The following CDK14 variants were observed in gnomAD, a reference collection of about 807,000 sequenced individuals.
The protein encoded by CDK14 is cyclin dependent kinase 14, also known as cyclin-dependent kinase 14.
CDK14 carries 34 observed loss-of-function variants against 60.7 expected under a neutral mutation model. That is an observed-to-expected ratio of 0.56 (90% confidence interval 0.43 to 0.75). CDK14 has a LOEUF of 0.75. Ranked by LOEUF, CDK14 falls within the 30% of genes least tolerant of loss-of-function variation. The probability of loss-of-function intolerance (pLI) is 0.00; values close to 1 mark genes in which losing one functional copy is unlikely to be tolerated. For missense variants in CDK14, 482 were observed against 564.1 expected (o/e 0.85, Z 1.47); for synonymous variants, 197 against 203.7 (o/e 0.97, Z 0.28).
chr7:90,889,493 A>C (rs1792049593), intron 6 of CDK14, among the ~76,000 whole-genome samples: 2 of 152,224 alleles, frequency 1.3e-5, no homozygotes. Context: ...ATTTAGACAG[A>C]ATTATGGGAC....
intron 9 of CDK14, among the ~76,000 whole-genome samples, chr7:90,956,342 A>T (rs1038023337): frequency 7.9e-5 from 12 of 152,170 alleles, no homozygotes; most frequent in Non-Finnish European, 1.8e-4. Flanking sequence ...CACTTTCACA[A>T]ATGCTTTAGC....
intron 6 of CDK14, among the ~76,000 whole-genome samples, chr7:90,864,137 AAAAG>A (rs1185527239): frequency 6.6e-6 from 1 of 152,156 alleles, no homozygotes; most frequent in African/African-American, 2.4e-5. Context: ...CTTAAAAAAA[AAAAG>A]AATGAATATT....
At chr7:91,027,141 A>G (rs1796597445) in intron 10 of CDK14, among the ~76,000 whole-genome samples, 1 of 152,238 alleles carries the variant, frequency 6.6e-6, no homozygotes, top group South Asian at 2.1e-4. Flanking sequence ...CGTAACTGTT[A>G]TAATTTCTAG....
At chr7:90,885,902 C>T (rs1562813384) in intron 6 of CDK14, among the ~76,000 whole-genome samples, 1 of 151,970 alleles carries the variant, frequency 6.6e-6, no homozygotes, top group Non-Finnish European at 1.5e-5. Context: ...CACACCAGGG[C>T]CTGTTGGGGT....
intron 2 of CDK14, among the ~76,000 whole-genome samples, chr7:90,721,462 G>A (rs1802449247): frequency 6.6e-6 from 1 of 151,882 alleles, no homozygotes; most frequent in Non-Finnish European, 1.5e-5. Context: ...TTTGATGCTC[G>A]AATAAATAAT....
intron 9 of CDK14, among the ~76,000 whole-genome samples, chr7:90,962,257 C>A (rs895547255): frequency 6.6e-6 from 1 of 152,044 alleles, no homozygotes; most frequent in Non-Finnish European, 1.5e-5. Flanking sequence ...GAGGCCAAGG[C>A]GGGTGGATCA....
intron 14 of CDK14, among the ~76,000 whole-genome samples, chr7:91,201,461 AG>A (rs1039315228): frequency 6.6e-6 from 1 of 151,914 alleles, no homozygotes; most frequent in African/African-American, 2.4e-5. Context: ...TGAGGCTTAG[AG>A]GGGGAAAAAA....
chr7:90,701,981 T>C (rs1489784488), intron 2 of CDK14, among the ~76,000 whole-genome samples: 1 of 152,012 alleles, frequency 6.6e-6, no homozygotes, highest in Non-Finnish European at 1.5e-5. Flanking sequence ...TTTGCTACCA[T>C]CAAGGGTGGA....
intron 13 of CDK14, among the ~76,000 whole-genome samples, chr7:91,117,050 A>C (rs920473890): frequency 6.8e-6 from 1 of 147,138 alleles, no homozygotes; most frequent in African/African-American, 2.5e-5. Flanking sequence ...TGACTTGCAT[A>C]TCCAACTGAC....
At chr7:91,085,268 A>G (rs1450742900) in intron 12 of CDK14, among the ~76,000 whole-genome samples, 1 of 152,146 alleles carries the variant, frequency 6.6e-6, no homozygotes, top group Non-Finnish European at 1.5e-5. Context: ...TCCCATGCTC[A>G]TGCAGGTTGT....
At chr7:90,893,482 G>A (rs1342700819) in intron 6 of CDK14, among the ~76,000 whole-genome samples, 1 of 152,122 alleles carries the variant, frequency 6.6e-6, no homozygotes, top group African/African-American at 2.4e-5. Flanking sequence ...GTGAGCTGTT[G>A]GTCATATGCC....
At chr7:91,077,573 T>C (rs535013971) in intron 11 of CDK14, among the ~76,000 whole-genome samples, 2 of 152,092 alleles carry the variant, frequency 1.3e-5, no homozygotes, top group Admixed American at 6.6e-5. Flanking sequence ...GACGGGTAGA[T>C]AGGTGCAGCA....
chr7:91,159,317 CCTG>C (rs749802754), intron 14 of CDK14, among the ~76,000 whole-genome samples: 5 of 152,178 alleles, frequency 3.3e-5, no homozygotes, highest in Non-Finnish European at 7.3e-5. Flanking sequence ...CATAGATTGG[CCTG>C]TTAACTAAGA....
At chr7:90,899,678 C>T (rs1438889463) in intron 7 of CDK14, among the ~76,000 whole-genome samples, 3 of 152,066 alleles carry the variant, frequency 2.0e-5, no homozygotes. Flanking sequence ...TAGCTTGGAA[C>T]CCATACTGAT....
chr7:91,097,188 C>A (rs1445596414), intron 12 of CDK14, among the ~76,000 whole-genome samples: 1 of 152,068 alleles, frequency 6.6e-6, no homozygotes, highest in African/African-American at 2.4e-5. Flanking sequence ...CGAGACCAGC[C>A]TGGCCAACAT....
In CDK14 at chr7:91,081,530, C is replaced by T. The variant is rs73400911; in HGVS notation, c.1154+2050C>T. The stretch of plus-strand genomic sequence containing the variant: ...TAATATAAAAAAGTAGGTCACTGTT[C>T]AAAATTAAGTAACAATGCTTTTAAA... On this transcript the variant is annotated intron_variant, in intron 12 of 14. Coordinates refer to ENST00000380050, the MANE Select transcript of CDK14 (RefSeq NM_001287135.2). Among the ~76,000 whole-genome samples, 1,267 of 152,196 alleles carry T rather than the reference C, an allele frequency of 8.3e-3. 20 individuals carry two copies. Among genetic ancestry groups the T allele is most frequent in the African/African-American group, 0.028 (1,171 of 41,530 alleles).
At chr7:91,033,166 C>T (rs1477167041) in intron 10 of CDK14, among the ~76,000 whole-genome samples, 1 of 152,108 alleles carries the variant, frequency 6.6e-6, no homozygotes, top group Non-Finnish European at 1.5e-5. Context: ...TGCCAGCTTC[C>T]AGAAATGATT....
chr7:90,727,359 C>T (rs1244144995), intron 3 of CDK14, among the ~76,000 whole-genome samples: 1 of 151,932 alleles, frequency 6.6e-6, no homozygotes, highest in East Asian at 1.9e-4. Context: ...AGGGTAGATT[C>T]AGTAGGACCA....
intron 14 of CDK14, among the ~76,000 whole-genome samples, chr7:91,187,528 T>A (rs1802227268): frequency 6.6e-6 from 1 of 152,192 alleles, no homozygotes; most frequent in Non-Finnish European, 1.5e-5. Flanking sequence ...ATGCTAAGAT[T>A]TGCTGAAGTG....
Sources: allele counts gnomAD v4.1 joint callset (sites outside exome capture counted in the v4.1 genomes callset), GRCh38; gene constraint gnomAD v4.1.1; transcripts MANE v1.5; gene names NCBI Gene and HGNC (gene_info 2026-07-23, HGNC 2026-07-21).